The following CHD9 variants were observed in gnomAD, a reference collection of about 807,000 sequenced individuals.
The protein encoded by CHD9 is ATP-dependent chromatin remodeler CHD9.
Under a neutral mutation model 316.1 loss-of-function variants are expected in CHD9, and 77 were observed. The observed-to-expected ratio is 0.24, with a 90% CI of 0.20 to 0.29. CHD9 has a LOEUF of 0.29. Ranked by LOEUF, CHD9 falls within the 10% of genes least tolerant of loss-of-function variation. CHD9 has a pLI of 1.00. For synonymous variants in CHD9, 1,129 were observed against 1,158.3 expected (o/e 0.97, Z 0.51); for missense variants, 2,763 against 3,438.1 (o/e 0.80, Z 4.91).
chr16:53,281,559 A>C (rs1376153494), intron 24 of CHD9, among the ~76,000 whole-genome samples: 1 of 152,158 alleles, frequency 6.6e-6, no homozygotes, highest in East Asian at 1.9e-4. Context: ...TAAAGCAAAA[A>C]TCAGGTCTTG....
intron 2 of CHD9, among the ~76,000 whole-genome samples, chr16:53,157,967 G>A (rs2041638785): frequency 1.3e-5 from 2 of 151,958 alleles, no homozygotes; most frequent in African/African-American, 2.4e-5. Context: ...TTGATAACTA[G>A]ATAAAACATA....
At chr16:53,206,530 C>CT (rs2036778756) in intron 2 of CHD9, among the ~76,000 whole-genome samples, 1 of 152,146 alleles carries the variant, frequency 6.6e-6, no homozygotes, top group African/African-American at 2.4e-5. Context: ...ACCCCCTTGT[C>CT]TTTTAATCCC....
intron 29 of CHD9, among the ~76,000 whole-genome samples, chr16:53,295,282 A>G (rs1338114897): frequency 1.3e-5 from 2 of 152,118 alleles, no homozygotes; most frequent in African/African-American, 4.8e-5. Context: ...GTGCATCACC[A>G]TGCCTCGCTA....
intron 1 of CHD9, among the ~76,000 whole-genome samples, chr16:53,139,583 A>G (rs1487092123): frequency 6.6e-6 from 1 of 152,146 alleles, no homozygotes; most frequent in Non-Finnish European, 1.5e-5. Context: ...GGTCTGGAGA[A>G]GCCTATTGGT....
chr16:53,316,970 G>A (rs1024764906), intron 36 of CHD9, among the ~76,000 whole-genome samples: 6 of 151,886 alleles, frequency 4.0e-5, no homozygotes, highest in African/African-American at 4.8e-5. Context: ...AGGCCGAGGC[G>A]GGCAGATCAC....
intron 11 of CHD9, 39 bp from the exon 12 acceptor site, chr16:53,238,304 A>C (rs8049913): frequency 0.31 from 455,582 of 1,483,068 alleles, 71,804 homozygotes; most frequent in Middle Eastern, 0.37. Flanking sequence ...TAGAAAAAAA[A>C]CCCAATGTAT....
chr16:53,153,191 T>G (rs187044583), intron 1 of CHD9, among the ~76,000 whole-genome samples: 1 of 152,138 alleles, frequency 6.6e-6, no homozygotes, highest in Admixed American at 6.5e-5. Flanking sequence ...ACAAGTAAAT[T>G]GAAGACAATA....
Position 53,327,099 on chromosome 16 carries a change from G to A in CHD9, c.*2204G>A, listed in dbSNP as rs985908272. 6.6e-6 allele frequency: 1 copy of A among 152,288 alleles called. No homozygotes were observed. The highest frequency in any genetic ancestry group is 2.4e-5 in the African/African-American group (1 of 41,352). 9.4% of individuals were successfully genotyped at this position (152,288 alleles called of 1,614,324 possible). On this transcript the variant is annotated 3_prime_UTR_variant, in exon 39 of 39. Coordinates refer to ENST00000447540, the MANE Select transcript of CHD9 (RefSeq NM_001308319.2). ...GACACTTCTATTTAATATTCATTGG[G>A]GAAAAGTTGTCCAGCTATCAGCTAA...
At chr16:53,311,751 C>T (rs991070704) in intron 34 of CHD9, 8 of 152,292 alleles carry the variant, frequency 5.3e-5, no homozygotes, top group African/African-American at 1.4e-4. Flanking sequence ...GCCAAGCAAC[C>T]TGGGGTTTTT....
intron 2 of CHD9, among the ~76,000 whole-genome samples, chr16:53,161,272 CATCTT>C (rs1461751755): frequency 4.6e-5 from 7 of 152,112 alleles, no homozygotes; most frequent in Admixed American, 2.6e-4. Flanking sequence ...ATAGGTCACA[CATCTT>C]AAATATATGA....
intron 1 of CHD9, among the ~76,000 whole-genome samples, chr16:53,113,812 TCTCTCAC>T (rs1190036626): frequency 3.9e-5 from 6 of 152,090 alleles, no homozygotes; most frequent in African/African-American, 1.4e-4. Context: ...CGTAAGCGAT[TCTCTCAC>T]CTCAGCCTCC....
At chr16:53,160,633 G>T (rs558950760) in intron 2 of CHD9, among the ~76,000 whole-genome samples, 1 of 152,012 alleles carries the variant, frequency 6.6e-6, no homozygotes, top group African/African-American at 2.4e-5. Flanking sequence ...TCGGCCAGGC[G>T]CAGTGGCTCA....
intron 33 of CHD9, 52 bp downstream of exon 33, chr16:53,308,005 A>G (rs2056139761): frequency 6.8e-7 from 1 of 1,472,952 alleles, no homozygotes; most frequent in South Asian, 1.3e-5. Context: ...GGTGTGCAGC[A>G]TGCTTTTCCT....
intron 30 of CHD9, among the ~76,000 whole-genome samples, chr16:53,301,538 A>G (rs984765231): frequency 6.6e-6 from 1 of 152,204 alleles, no homozygotes; most frequent in Admixed American, 6.5e-5. Context: ...AGTAGCCACA[A>G]TTATTAATCA....
intron 3 of CHD9, among the ~76,000 whole-genome samples, chr16:53,220,170 C>T (rs1247212963): frequency 6.6e-6 from 1 of 152,152 alleles, no homozygotes; most frequent in Non-Finnish European, 1.5e-5. Flanking sequence ...AATGTTGCTT[C>T]AGAATATCTT....
intron 19 of CHD9, among the ~76,000 whole-genome samples, chr16:53,259,334 A>G (rs991991693): frequency 1.3e-5 from 2 of 152,206 alleles, no homozygotes; most frequent in Non-Finnish European, 2.9e-5. Flanking sequence ...TCTTCCAGGT[A>G]AATTTTTTAC....
At chr16:53,215,721 A>G (rs896271602) in intron 3 of CHD9, among the ~76,000 whole-genome samples, 34 of 152,190 alleles carry the variant, frequency 2.2e-4, no homozygotes, top group Admixed American at 9.2e-4. Context: ...CAATTATTGG[A>G]ATGAGAGAAT....
chr16:53,280,150 A>G (rs1311982221), intron 24 of CHD9, among the ~76,000 whole-genome samples: 1 of 152,216 alleles, frequency 6.6e-6, no homozygotes, highest in Non-Finnish European at 1.5e-5. Context: ...CTACCATTTG[A>G]TCCAGCTATC....
intron 1 of CHD9, among the ~76,000 whole-genome samples, chr16:53,112,928 G>T (rs2037979596): frequency 6.6e-6 from 1 of 152,198 alleles, no homozygotes; most frequent in African/African-American, 2.4e-5. Flanking sequence ...CCTGAGTCTA[G>T]GAGGTCAAGG....
Sources: gnomAD v4.1 joint callset for allele counts (sites outside exome capture counted in the v4.1 genomes callset) on GRCh38, gnomAD v4.1.1 for gene constraint, MANE v1.5 for transcripts, NCBI Gene and HGNC (gene_info 2026-07-23, HGNC 2026-07-21) for gene names.